ST3GAL3: variants seen among roughly 807,000 people sequenced by gnomAD.
The protein encoded by ST3GAL3 is ST3 beta-galactoside alpha-2,3-sialyltransferase 3.
ST3GAL3 carries 21 observed loss-of-function variants against 50.1 expected under a neutral mutation model. That is an observed-to-expected ratio of 0.42 (90% CI 0.30 to 0.60). The LOEUF (loss-of-function observed/expected upper bound fraction) is 0.60. Among genes scored for constraint, ST3GAL3 ranks in the 20% least tolerant of loss-of-function variants. The probability of loss-of-function intolerance (pLI) is 0.19; values close to 1 mark genes in which losing one functional copy is unlikely to be tolerated. For synonymous variants in ST3GAL3, 183 were observed against 190.0 expected (o/e 0.96, Z 0.30); for missense variants, 353 against 489.4 (o/e 0.72, Z 2.63).
intron 1 of ST3GAL3, among the ~76,000 whole-genome samples, chr1:43,712,927 G>T (rs1015518022): frequency 1.6e-4 from 25 of 152,192 alleles, no homozygotes; most frequent in Non-Finnish European, 3.1e-4. Context: ...TTATCCTGAA[G>T]GTGATTAGGT....
intron 1 of ST3GAL3, among the ~76,000 whole-genome samples, chr1:43,724,893 C>T (rs1342911546): frequency 6.6e-6 from 1 of 152,126 alleles, no homozygotes; most frequent in African/African-American, 2.4e-5. Context: ...CAGTGGTAAA[C>T]TCATTTACCA....
intron 4 of ST3GAL3, 103 bp downstream of exon 4, chr1:43,815,036 G>A: frequency 8.6e-7 from 1 of 1,157,880 alleles, no homozygotes; most frequent in Non-Finnish European, 1.3e-6. Flanking sequence ...GGTGACTGGG[G>A]GACTCCCTGG....
chr1:43,877,044 T>G (rs1466190058), intron 5 of ST3GAL3, among the ~76,000 whole-genome samples: 2 of 152,222 alleles, frequency 1.3e-5, no homozygotes, highest in Non-Finnish European at 2.9e-5. Context: ...GTTCTCCCTA[T>G]GCATCTCGAC....
intron 3 of ST3GAL3, among the ~76,000 whole-genome samples, chr1:43,797,486 T>C (rs2154157798): frequency 6.6e-6 from 1 of 152,186 alleles, no homozygotes; most frequent in East Asian, 1.9e-4. Flanking sequence ...GAAGGCTGGT[T>C]CAACAATGAA....
intron 5 of ST3GAL3, among the ~76,000 whole-genome samples, chr1:43,889,823 A>C (rs1199437954): frequency 6.6e-6 from 1 of 152,244 alleles, no homozygotes; most frequent in African/African-American, 2.4e-5. Flanking sequence ...TGTTTTAAAA[A>C]AGAAAAAGAA....
At chr1:43,901,245 C>T (rs921082315) in intron 9 of ST3GAL3, among the ~76,000 whole-genome samples, 2 of 152,232 alleles carry the variant, frequency 1.3e-5, no homozygotes, top group East Asian at 3.8e-4. Context: ...TTTCCTCTGC[C>T]CATGGGCACC....
intron 9 of ST3GAL3, among the ~76,000 whole-genome samples, chr1:43,905,492 C>G (rs1212513173): frequency 1.4e-5 from 2 of 140,966 alleles, no homozygotes; most frequent in Non-Finnish European, 3.1e-5. Context: ...CTTCCCACCA[C>G]TCTTCCTCTC....
chr1:43,755,684 GA>G (rs749953833), intron 2 of ST3GAL3, among the ~76,000 whole-genome samples: 1 of 152,088 alleles, frequency 6.6e-6, no homozygotes, highest in Non-Finnish European at 1.5e-5. Flanking sequence ...ACGAGACTTA[GA>G]AAACATAGTT....
intron 9 of ST3GAL3, chr1:43,914,225 C>G (rs1557513637): frequency 6.6e-6 from 1 of 152,202 alleles, no homozygotes; most frequent in African/African-American, 2.4e-5. Context: ...GAGGGCATCT[C>G]ATGTGCAGAA....
intron 2 of ST3GAL3, among the ~76,000 whole-genome samples, chr1:43,784,029 C>G (rs1175249697): frequency 1.3e-5 from 2 of 152,136 alleles, no homozygotes; most frequent in East Asian, 3.8e-4. Flanking sequence ...AGAAACCCTA[C>G]TAAATTAGTT....
intron 9 of ST3GAL3, among the ~76,000 whole-genome samples, chr1:43,907,134 C>T (rs1244865438): frequency 1.3e-5 from 2 of 152,190 alleles, no homozygotes; most frequent in African/African-American, 4.8e-5. Flanking sequence ...CACAACCCTA[C>T]AAGGCAGATA....
At chr1:43,845,032 G>A (rs1034391859) in intron 5 of ST3GAL3, among the ~76,000 whole-genome samples, 3 of 152,130 alleles carry the variant, frequency 2.0e-5, no homozygotes, top group African/African-American at 7.2e-5. Context: ...CACTTAGGCT[G>A]GAGTACAGTG....
chr1:43,767,824 TA>T (rs71579310), intron 2 of ST3GAL3, among the ~76,000 whole-genome samples: 45 of 144,234 alleles, frequency 3.1e-4, no homozygotes, highest in African/African-American at 4.6e-4. Flanking sequence ...AAAGTATAAT[TA>T]AAAAAAAAAA....
intron 3 of ST3GAL3, among the ~76,000 whole-genome samples, chr1:43,792,519 T>A (rs1303860540): frequency 6.6e-6 from 1 of 152,200 alleles, no homozygotes. Flanking sequence ...CCATCAGGGC[T>A]CTCTACTAGA....
At chr1:43,825,198 A>G (rs2062627421) in intron 4 of ST3GAL3, among the ~76,000 whole-genome samples, 1 of 152,226 alleles carries the variant, frequency 6.6e-6, no homozygotes, top group Non-Finnish European at 1.5e-5. Context: ...TGAATATAAT[A>G]TAACAACTAC....
chr1:43,719,862 G>A (rs1270070966), intron 1 of ST3GAL3, among the ~76,000 whole-genome samples: 1 of 144,984 alleles, frequency 6.9e-6, no homozygotes, highest in Non-Finnish European at 1.5e-5. Flanking sequence ...GAAACTGAGA[G>A]GCGGAGGTTT....
At chr1:43,903,780 C>G (rs573805785) in intron 9 of ST3GAL3, among the ~76,000 whole-genome samples, 8 of 152,264 alleles carry the variant, frequency 5.3e-5, no homozygotes, top group African/African-American at 1.9e-4. Context: ...ATGGCTTAGG[C>G]CTTGGAGTTA....
chr1:43,710,939 G>T (rs1024119138), intron 1 of ST3GAL3, among the ~76,000 whole-genome samples: 4 of 152,318 alleles, frequency 2.6e-5, no homozygotes, highest in Middle Eastern at 6.8e-3. Flanking sequence ...GACATAGACT[G>T]TCCTCTTCAT....
intron 4 of ST3GAL3, among the ~76,000 whole-genome samples, chr1:43,820,566 T>G (rs1353070922): frequency 6.6e-6 from 1 of 152,174 alleles, no homozygotes; most frequent in Non-Finnish European, 1.5e-5. Flanking sequence ...TCTAGTGATA[T>G]TCCAAAAGCC....
Sources: gnomAD v4.1 joint callset for allele counts (sites outside exome capture counted in the v4.1 genomes callset) on GRCh38, gnomAD v4.1.1 for gene constraint, MANE v1.5 for transcripts, NCBI Gene and HGNC (gene_info 2026-07-23, HGNC 2026-07-21) for gene names.